Variants in EXOC6B observed in about 807,000 individuals in gnomAD.
EXOC6B encodes the protein SEC15 homolog B.
EXOC6B carries 54 observed loss-of-function variants against 113.5 expected under a neutral mutation model. The ratio of observed to expected loss-of-function variants is 0.48; its 90% CI spans 0.38 to 0.60. EXOC6B has a LOEUF of 0.60. Among genes scored for constraint, EXOC6B ranks in the 20% least tolerant of loss-of-function variants. The pLI is 0.00. For missense variants in EXOC6B, 797 were observed against 977.5 expected (o/e 0.82, Z 2.46); for synonymous variants, 357 against 339.0 (o/e 1.05, Z -0.58).
chr2:72,767,564 C>T (rs1440149751), intron 1 of EXOC6B, among the ~76,000 whole-genome samples: 2 of 151,728 alleles, frequency 1.3e-5, no homozygotes, highest in Non-Finnish European at 2.9e-5. Context: ...AATCCCAACA[C>T]TTTGGGAGGC....
At chr2:72,564,467 C>T (rs1193154948) in intron 7 of EXOC6B, among the ~76,000 whole-genome samples, 1 of 152,152 alleles carries the variant, frequency 6.6e-6, no homozygotes, top group Non-Finnish European at 1.5e-5. Context: ...CATTTCTGAG[C>T]ATTACTTAGA....
At chr2:72,674,369 G>C (rs1360328226) in intron 6 of EXOC6B, among the ~76,000 whole-genome samples, 2 of 152,156 alleles carry the variant, frequency 1.3e-5, no homozygotes, top group Non-Finnish European at 2.9e-5. Flanking sequence ...TCTTCTTATA[G>C]AAAGTATTTT....
At position 72,265,961 on chromosome 2, in the gene EXOC6B, T is replaced by C. The variant is rs1358053135; in HGVS notation, c.2196+68986A>G. Among the ~76,000 whole-genome samples, 8 of 152,044 alleles carry C rather than the reference T, an allele frequency of 5.3e-5. No individual in the cohort carries two copies. In the East Asian group the frequency reaches 5.8e-4, roughly 11 times the overall value. On this transcript the variant is annotated intron_variant, in intron 20 of 21. Coordinates refer to ENST00000272427, the MANE Select transcript of EXOC6B (RefSeq NM_015189.3). ...AATTGCCATTCTAACTGGTGTGAGA[T>C]GGTATCTCATTGTGGTTTTGATTTG...
intron 6 of EXOC6B, among the ~76,000 whole-genome samples, chr2:72,597,068 TA>T (rs1670118679): frequency 1.3e-5 from 2 of 150,024 alleles, no homozygotes; most frequent in Middle Eastern, 3.5e-3. Context: ...CCAATACCCT[TA>T]AGGTTTCTTT....
chr2:72,658,637 C>T lies in EXOC6B; in HGVS notation c.669+59466G>A, dbSNP rs1674783626. Among the ~76,000 whole-genome samples the T allele has an allele frequency of 2.0e-5, 3 of 152,132 alleles. No individual in the cohort carries two copies. In the South Asian group the frequency reaches 6.2e-4, roughly 32 times the overall value. On this transcript the variant is annotated intron_variant, in intron 6 of 21. Transcript: ENST00000272427. ...AACTGGCCATTTGAATGTTATCATT[C>T]TAATTGACAAGAAACTGAGAAAGAG...
rs540685908 is a variant in EXOC6B, at chr2:72,447,089, T to C, written c.1980+18071A>G. 4.6e-5 allele frequency among the ~76,000 whole-genome samples: 7 copies of C among 150,634 alleles called. No homozygotes were observed. In the South Asian group the frequency reaches 1.5e-3, roughly 32 times the overall value. On this transcript the variant is annotated intron_variant, in intron 18 of 21. Coordinates refer to ENST00000272427, the MANE Select transcript of EXOC6B (RefSeq NM_015189.3). ...ACTGCACTCTAGTCTGGCGACAGAG[T>C]GAGACTTCGTCTCAAAAAAAAAAAA...
chr2:72,617,151 G>A (rs1331762215), intron 6 of EXOC6B, among the ~76,000 whole-genome samples: 1 of 152,216 alleles, frequency 6.6e-6, no homozygotes, highest in Non-Finnish European at 1.5e-5. Flanking sequence ...AATGCCAGAA[G>A]TGGGCTCCCA....
At chr2:72,218,552 C>A (rs1680675466) in intron 20 of EXOC6B, among the ~76,000 whole-genome samples, 1 of 152,196 alleles carries the variant, frequency 6.6e-6, no homozygotes, top group South Asian at 2.1e-4. Context: ...CTGTTCCTTA[C>A]ATTGATAAGT....
intron 8 of EXOC6B, among the ~76,000 whole-genome samples, chr2:72,529,545 C>G (rs1244441764): frequency 6.6e-6 from 1 of 152,090 alleles, no homozygotes; most frequent in African/African-American, 2.4e-5. Context: ...GGTGTTAATT[C>G]TTCTATAAAT....
At chr2:72,432,139 C>T (rs925207014) in intron 18 of EXOC6B, among the ~76,000 whole-genome samples, 3 of 151,966 alleles carry the variant, frequency 2.0e-5, no homozygotes, top group South Asian at 4.1e-4. Flanking sequence ...CAGGTTCAAG[C>T]GATTCCCCTG....
rs1419384655 is a variant in EXOC6B, at chr2:72,661,258, AAGC to A, written c.669+56842_669+56844del. ...TTTCTAGCCAGAGGACAAAAAAGAA[AAGC>A]AGCAGGAAACTGAAAATCAATGGCA... On this transcript the variant is annotated intron_variant, in intron 6 of 21. Transcript: ENST00000272427. Among the ~76,000 whole-genome samples, 185 of 152,258 alleles carry A rather than the reference AAGC, an allele frequency of 1.2e-3. 3 individuals carry two copies. In the East Asian group the frequency reaches 0.033, roughly 27 times the overall value.
At chr2:72,678,371 C>A (rs951580730) in intron 6 of EXOC6B, among the ~76,000 whole-genome samples, 3 of 152,116 alleles carry the variant, frequency 2.0e-5, no homozygotes, top group Non-Finnish European at 2.9e-5. Flanking sequence ...TGAAACAGTG[C>A]GGCTAGAGGT....
chr2:72,458,926 A>G (rs1044673884), intron 18 of EXOC6B, among the ~76,000 whole-genome samples: 3 of 152,098 alleles, frequency 2.0e-5, no homozygotes, highest in Admixed American at 2.0e-4. Flanking sequence ...AAACACAACA[A>G]TTCTTGAGGT....
At chr2:72,241,755 C>T (rs1201370978) in intron 20 of EXOC6B, among the ~76,000 whole-genome samples, 2 of 152,070 alleles carry the variant, frequency 1.3e-5, no homozygotes, top group Admixed American at 1.3e-4. Context: ...GAATTCTAGA[C>T]CTACAGAGAT....
chr2:72,395,969 T>A (rs929626368), intron 18 of EXOC6B, among the ~76,000 whole-genome samples: 1 of 152,084 alleles, frequency 6.6e-6, no homozygotes, highest in Non-Finnish European at 1.5e-5. Context: ...AAAAGGAAAT[T>A]TTATATGGGT....
intron 20 of EXOC6B, among the ~76,000 whole-genome samples, chr2:72,202,261 T>C (rs1009249905): frequency 6.6e-6 from 1 of 152,256 alleles, no homozygotes; most frequent in Non-Finnish European, 1.5e-5. Flanking sequence ...GAAAACTTCA[T>C]CTTGTTATTA....
At chr2:72,542,210 T>G (rs905977811) in intron 8 of EXOC6B, among the ~76,000 whole-genome samples, 6 of 152,220 alleles carry the variant, frequency 3.9e-5, no homozygotes, top group Admixed American at 3.3e-4. Flanking sequence ...AATTATTTAT[T>G]CAGCTCCTTC....
intron 20 of EXOC6B, among the ~76,000 whole-genome samples, chr2:72,233,929 A>C (rs893848930): frequency 3.3e-5 from 5 of 151,192 alleles, no homozygotes; most frequent in Admixed American, 1.3e-4. Context: ...ACTCAGCTGG[A>C]GGCTGTGGCC....
chr2:72,514,919 AG>A (rs1458953842), intron 9 of EXOC6B, 123 bp downstream of exon 9: 7 of 889,612 alleles, frequency 7.9e-6, no homozygotes, highest in Non-Finnish European at 1.2e-5. Flanking sequence ...ATCCACCAAA[AG>A]TGGTCTCAGA....
Sources: allele counts gnomAD v4.1 joint callset (sites outside exome capture counted in the v4.1 genomes callset), GRCh38; gene constraint gnomAD v4.1.1; transcripts MANE v1.5; gene names NCBI Gene and HGNC (gene_info 2026-07-23, HGNC 2026-07-21).